Variants in CDH13 observed in about 807,000 individuals in gnomAD.
The protein encoded by CDH13 is cadherin 13, also known as cadherin-13.
CDH13 carries 24 observed loss-of-function variants against 63.8 expected under a neutral mutation model. The ratio of observed to expected loss-of-function variants is 0.38; its 90% CI spans 0.27 to 0.53. The LOEUF (loss-of-function observed/expected upper bound fraction) is 0.53. CDH13 is among the 20% of genes least tolerant of loss of function. The pLI is 0.85. For missense variants in CDH13, 1,049 were observed against 903.1 expected, an observed-to-expected ratio of 1.16 and a Z score of -2.07; for synonymous variants, 503 against 355.3, an observed-to-expected ratio of 1.42 and a Z score of -4.67.
At chr16:83,112,910 C>T (rs571690706) in intron 3 of CDH13, among the ~76,000 whole-genome samples, 69 of 152,240 alleles carry the variant, frequency 4.5e-4, no homozygotes, top group African/African-American at 1.6e-3. Context: ...AACTTTAAGA[C>T]CGGCTTATAA....
At chr16:82,694,306 C>T (rs2029988459) in intron 1 of CDH13, among the ~76,000 whole-genome samples, 2 of 152,224 alleles carry the variant, frequency 1.3e-5, no homozygotes, top group Non-Finnish European at 2.9e-5. Flanking sequence ...ATTTGAGCTA[C>T]TTTTGATAAA....
intron 6 of CDH13, among the ~76,000 whole-genome samples, chr16:83,420,020 G>T (rs2071670195): frequency 1.3e-5 from 2 of 151,858 alleles, no homozygotes; most frequent in African/African-American, 4.8e-5. Flanking sequence ...ATCTTGGGAG[G>T]CAGATTAGCT....
intron 2 of CDH13, among the ~76,000 whole-genome samples, chr16:83,031,396 A>G (rs983993052): frequency 1.4e-5 from 2 of 144,650 alleles, no homozygotes; most frequent in African/African-American, 5.3e-5. Flanking sequence ...ATGTATATAC[A>G]TATACATGTA....
chr16:83,654,538 G>C (rs999909747), intron 8 of CDH13, among the ~76,000 whole-genome samples: 4 of 152,118 alleles, frequency 2.6e-5, no homozygotes, highest in Admixed American at 2.0e-4. Flanking sequence ...CAAGAGGTCA[G>C]ACGAAGAATC....
intron 1 of CDH13, chr16:82,773,188 A>G (rs1311217124): frequency 6.6e-6 from 1 of 152,318 alleles, no homozygotes; most frequent in Non-Finnish European, 1.5e-5. Flanking sequence ...CTGAGCCAGC[A>G]GAATCATTAG....
intron 1 of CDH13, among the ~76,000 whole-genome samples, chr16:82,833,299 C>T (rs544253549): frequency 1.3e-5 from 2 of 152,314 alleles, no homozygotes; most frequent in East Asian, 1.9e-4. Flanking sequence ...TTCGAATGAT[C>T]CTGCAAAATA....
chr16:83,239,018 A>G (rs1468601467), intron 5 of CDH13, among the ~76,000 whole-genome samples: 1 of 152,176 alleles, frequency 6.6e-6, no homozygotes, highest in Non-Finnish European at 1.5e-5. Flanking sequence ...ATGTGCTGTT[A>G]CTGGCATCTC....
chr16:83,360,901 G>A (rs12445153), intron 6 of CDH13, among the ~76,000 whole-genome samples: 2,496 of 152,256 alleles, frequency 0.016, 37 homozygotes, highest in East Asian at 0.069. Flanking sequence ...TTTGAATAGT[G>A]CTGCAACAAA....
chr16:82,665,483 T>C (rs987920492), intron 1 of CDH13, among the ~76,000 whole-genome samples: 25 of 152,192 alleles, frequency 1.6e-4, no homozygotes, highest in Admixed American at 1.4e-3. Context: ...AATGGTTCAA[T>C]ATATGTTAAG....
intron 6 of CDH13, among the ~76,000 whole-genome samples, chr16:83,394,694 A>T (rs906900573): frequency 5.3e-5 from 8 of 152,136 alleles, no homozygotes; most frequent in Non-Finnish European, 1.2e-4. Flanking sequence ...AGTGGATGAG[A>T]ACAAAAGCAA....
chr16:83,525,980 G>T (rs1292795747), intron 7 of CDH13, among the ~76,000 whole-genome samples: 1 of 152,212 alleles, frequency 6.6e-6, no homozygotes, highest in Non-Finnish European at 1.5e-5. Flanking sequence ...AAGGAGTGCA[G>T]CCCTTCCAGT....
intron 2 of CDH13, among the ~76,000 whole-genome samples, chr16:82,979,993 T>A (rs750833840): frequency 6.6e-6 from 1 of 152,136 alleles, no homozygotes; most frequent in Admixed American, 6.5e-5. Context: ...TAATCATTAA[T>A]GGAATATTTT....
chr16:82,699,529 C>A (rs142992103), intron 1 of CDH13, among the ~76,000 whole-genome samples: 99 of 152,196 alleles, frequency 6.5e-4, no homozygotes, highest in Admixed American at 6.5e-3. Flanking sequence ...ACCCTTAATG[C>A]GTGTCATAAC....
intron 13 of CDH13, among the ~76,000 whole-genome samples, chr16:83,788,481 T>TA (rs35247333): frequency 6.0e-5 from 9 of 149,772 alleles, no homozygotes; most frequent in East Asian, 3.9e-4. Flanking sequence ...TTTTTTAGAT[T>TA]AAAAAAAAAA....
In CDH13 at chr16:83,450,152, G is replaced by T. The variant is rs145463721; in HGVS notation, c.782-36325G>T. Among the ~76,000 whole-genome samples the T allele has an allele frequency of 3.3e-3, 496 of 152,318 alleles. 6 individuals are homozygous for T. Among genetic ancestry groups the T allele is most frequent in the African/African-American group, 0.012 (481 of 41,566 alleles). ...GCGCCCTGTGATTGATTCTTTGCCA[G>T]ACGGTGGAGAAAGTGCACATTCCCA... is the stretch of plus-strand genomic sequence containing the variant. On this transcript the variant is annotated intron_variant, in intron 6 of 13. Transcript: ENST00000567109.
intron 7 of CDH13, among the ~76,000 whole-genome samples, chr16:83,510,457 A>G (rs149493343): frequency 3.7e-4 from 57 of 152,326 alleles, no homozygotes; most frequent in African/African-American, 1.3e-3. Flanking sequence ...TACACAACAC[A>G]CCAATGAAGG....
At chr16:83,467,425 C>G (rs1360057489) in intron 6 of CDH13, among the ~76,000 whole-genome samples, 1 of 152,124 alleles carries the variant, frequency 6.6e-6, no homozygotes. Context: ...TGCTGCGTTT[C>G]TGAAAAGATA....
intron 5 of CDH13, among the ~76,000 whole-genome samples, chr16:83,291,713 A>T (rs2089470734): frequency 6.6e-6 from 1 of 152,162 alleles, no homozygotes; most frequent in African/African-American, 2.4e-5. Context: ...AGATTAGAGC[A>T]AGGGAAATGT....
At chr16:83,172,624 G>C (rs868176659) in intron 4 of CDH13, among the ~76,000 whole-genome samples, 1 of 152,008 alleles carries the variant, frequency 6.6e-6, no homozygotes, top group Non-Finnish European at 1.5e-5. Context: ...AGACAGGCTT[G>C]GAACAGATTC....
Sources: gnomAD v4.1 joint callset for allele counts (sites outside exome capture counted in the v4.1 genomes callset) on GRCh38, gnomAD v4.1.1 for gene constraint, MANE v1.5 for transcripts, NCBI Gene and HGNC (gene_info 2026-07-23, HGNC 2026-07-21) for gene names.